Variants in FARSB observed in about 807,000 individuals in gnomAD.
The protein encoded by FARSB is phenylalanine--tRNA ligase beta subunit.
FARSB carries 40 observed loss-of-function variants against 69.6 expected under a neutral mutation model. That is an observed-to-expected ratio of 0.57 (90% confidence interval 0.45 to 0.75). The LOEUF (loss-of-function observed/expected upper bound fraction) is 0.75. Ranked by LOEUF, FARSB falls within the 30% of genes least tolerant of loss-of-function variation. The pLI, the probability that FARSB is intolerant of heterozygous loss-of-function variation, is 0.00. For missense variants in FARSB, 632 were observed against 722.9 expected (o/e 0.87, Z 1.44); for synonymous variants, 235 against 247.2 (o/e 0.95, Z 0.46).
chr2:222,584,440 C>A (rs1300046928), intron 16 of FARSB, among the ~76,000 whole-genome samples: 1 of 152,112 alleles, frequency 6.6e-6, no homozygotes, highest in African/African-American at 2.4e-5. Flanking sequence ...ATGCAGAAGA[C>A]AGGTGATTTC....
intron 1 of FARSB, among the ~76,000 whole-genome samples, chr2:222,651,671 G>C (rs893877434): frequency 1.3e-5 from 2 of 152,234 alleles, no homozygotes; most frequent in Non-Finnish European, 2.9e-5. Context: ...TGTAGGTGGT[G>C]TGGCTTTTGA....
At chr2:222,605,878 A>G (rs1349084978) in intron 15 of FARSB, among the ~76,000 whole-genome samples, 2 of 152,182 alleles carry the variant, frequency 1.3e-5, no homozygotes, top group East Asian at 3.8e-4. Flanking sequence ...TCGAGATTGC[A>G]GTGAGCTATG....
chr2:222,597,863 A>G (rs1315798264), intron 16 of FARSB, among the ~76,000 whole-genome samples: 3 of 152,192 alleles, frequency 2.0e-5, no homozygotes, highest in African/African-American at 7.2e-5. Flanking sequence ...GTACAGATCT[A>G]ATATCACCTA....
At chr2:222,587,049 T>C (rs970653227) in intron 16 of FARSB, among the ~76,000 whole-genome samples, 1 of 152,194 alleles carries the variant, frequency 6.6e-6, no homozygotes, top group African/African-American at 2.4e-5. Context: ...ATCAACAGAA[T>C]ATACATTCTT....
At chr2:222,579,465 T>C (rs1689916377) in intron 16 of FARSB, among the ~76,000 whole-genome samples, 1 of 152,230 alleles carries the variant, frequency 6.6e-6, no homozygotes, top group African/African-American at 2.4e-5. Context: ...ATTTATTTTT[T>C]AAATCCCATA....
At chr2:222,608,596 G>T (rs1030026855) in intron 15 of FARSB, among the ~76,000 whole-genome samples, 1 of 152,064 alleles carries the variant, frequency 6.6e-6, no homozygotes, top group African/African-American at 2.4e-5. Context: ...CATATATTGT[G>T]ACTAAAGTTT....
At chr2:222,605,042 A>G (rs1690664427) in intron 15 of FARSB, among the ~76,000 whole-genome samples, 1 of 152,162 alleles carries the variant, frequency 6.6e-6, no homozygotes. Flanking sequence ...AAGATAAAGA[A>G]ATTTGGTATC....
intron 16 of FARSB, among the ~76,000 whole-genome samples, chr2:222,594,021 C>A (rs568453744): frequency 4.2e-4 from 60 of 141,992 alleles, no homozygotes; most frequent in Non-Finnish European, 6.9e-4. Flanking sequence ...CTTCGGGAGG[C>A]CAAGGCAGGT....
At chr2:222,609,141 T>C (rs1326774538) in intron 15 of FARSB, among the ~76,000 whole-genome samples, 1 of 152,228 alleles carries the variant, frequency 6.6e-6, no homozygotes, top group Non-Finnish European at 1.5e-5. Flanking sequence ...ATTCTATCTA[T>C]ATACATTGGC....
intron 2 of FARSB, among the ~76,000 whole-genome samples, chr2:222,644,984 C>CAA (rs59437360): frequency 7.3e-6 from 1 of 136,792 alleles, no homozygotes. Flanking sequence ...AATTCCTTTG[C>CAA]AAAAAAAAAA....
intron 10 of FARSB, among the ~76,000 whole-genome samples, chr2:222,627,335 C>T (rs1691302979): frequency 6.6e-6 from 1 of 152,188 alleles, no homozygotes; most frequent in Non-Finnish European, 1.5e-5. Flanking sequence ...AGGAACCCTG[C>T]AACCAACCCC....
chr2:222,621,568 A>C (rs1023669469), intron 13 of FARSB, among the ~76,000 whole-genome samples: 1 of 152,216 alleles, frequency 6.6e-6, no homozygotes, highest in Non-Finnish European at 1.5e-5. Flanking sequence ...TTAATGTGTT[A>C]GAAAAATACA....
chr2:222,607,510 A>G (rs182720291), intron 15 of FARSB, among the ~76,000 whole-genome samples: 66 of 152,296 alleles, frequency 4.3e-4, no homozygotes, highest in African/African-American at 1.2e-3. Context: ...CAGGTAAAGT[A>G]TATCCCATTT....
At chr2:222,591,244 A>G (rs921122497) in intron 16 of FARSB, among the ~76,000 whole-genome samples, 3 of 152,080 alleles carry the variant, frequency 2.0e-5, no homozygotes, top group Non-Finnish European at 2.9e-5. Flanking sequence ...AGAAAAAGAA[A>G]GAAATACGAG....
chr2:222,586,541 C>T lies in FARSB; in HGVS notation c.1618+13387G>A, dbSNP rs771406951. On this transcript the variant is annotated intron_variant, in intron 16 of 16. Transcript: ENST00000281828. ...ACCTTAAATGTAAACGGACTAAATG[C>T]CCCAATTAAAAGACACAGACTGGCA... Among the ~76,000 whole-genome samples the T allele has an allele frequency of 2.0e-5, 3 of 152,194 alleles. No individual in the cohort carries two copies. In the Middle Eastern group the frequency reaches 0.01, roughly 518 times the overall value.
chr2:222,647,147 C>A (rs1215866103), intron 2 of FARSB, among the ~76,000 whole-genome samples: 1 of 152,158 alleles, frequency 6.6e-6, no homozygotes, highest in African/African-American at 2.4e-5. Flanking sequence ...CTGGACAGCA[C>A]AAGTGGCAAA....
chr2:222,634,456 T>C lies in FARSB; in HGVS notation c.541A>G (p.Ile181Val). 1 of 1,612,170 alleles carries C rather than the reference T, an allele frequency of 6.2e-7. No individual in the cohort carries two copies. The highest frequency in any genetic ancestry group is 8.5e-7 in the Non-Finnish European group (1 of 1,178,474). The change falls in exon 6 of 17, where the codon ATC becomes GTC. Residue 181 changes from isoleucine to valine, a missense_variant. Physicochemically the swap from Ile to Val is conservative, Grantham distance 29. Coordinates refer to ENST00000281828, the MANE Select transcript of FARSB (RefSeq NM_005687.5). The part of the protein sequence containing the change: ...FTYTAKRPSD[I>V]KFKPLNKTKE... ...GTCTTATTTAGAGGCTTGAATTTGA[T>C]ATCTGAAGGACGCTTTGCAGTATAA...
chr2:222,633,165 A>G (rs1180291257), intron 7 of FARSB, 34 bp downstream of exon 7: 1 of 1,024,222 alleles, frequency 9.8e-7, no homozygotes, highest in Admixed American at 1.7e-5. Flanking sequence ...AAAAGGAAAC[A>G]GCAAAGATCT....
intron 10 of FARSB, among the ~76,000 whole-genome samples, chr2:222,628,583 T>C (rs376617763): frequency 2.0e-5 from 3 of 152,344 alleles, no homozygotes; most frequent in African/African-American, 7.2e-5. Context: ...AGATCCTAGC[T>C]CTACCACTTA....
Sources: allele counts gnomAD v4.1 joint callset (sites outside exome capture counted in the v4.1 genomes callset), GRCh38; gene constraint gnomAD v4.1.1; transcripts MANE v1.5; gene names NCBI Gene and HGNC (gene_info 2026-07-23, HGNC 2026-07-21).